The following ZFHX3 variants were observed in gnomAD, a reference collection of about 807,000 sequenced individuals.
ZFHX3 encodes zinc finger homeobox 3.
ZFHX3 carries 42 observed loss-of-function variants against 279.1 expected under a neutral mutation model. The ratio of observed to expected loss-of-function variants is 0.15; its 90% CI spans 0.12 to 0.19. The LOEUF is 0.19. ZFHX3 is among the 10% of genes least tolerant of loss of function. The pLI, the probability that ZFHX3 is intolerant of heterozygous loss-of-function variation, is 1.00. For synonymous variants in ZFHX3, 2,293 were observed against 1,957.8 expected, an observed-to-expected ratio of 1.17 and a Z score of -4.52; for missense variants, 4,981 against 4,754.0, an observed-to-expected ratio of 1.05 and a Z score of -1.40.
chr16:72,812,162 G>C lies in ZFHX3; in HGVS notation c.3530-124C>G. ...ATTTTCTTAAAACACCAAAATTCAA[G>C]AAGGATGAACATCCGGACTGATTTA... On this transcript the variant is annotated intron_variant, in intron 5 of 9. Coordinates refer to ENST00000268489, the MANE Select transcript of ZFHX3 (RefSeq NM_006885.4). 3 of 1,343,926 alleles carry C rather than the reference G, an allele frequency of 2.2e-6. No homozygotes were observed. The South Asian group carries it at 4.6e-5, about 21-fold the overall frequency. The allele number at this position is 1,343,926 out of a possible 1,614,324, so 83.3% of individuals were successfully genotyped here.
At chr16:73,657,225 G>A (rs1483045013) in intron 2 of ZFHX3, among the ~76,000 whole-genome samples, 5 of 152,214 alleles carry the variant, frequency 3.3e-5, no homozygotes, top group African/African-American at 1.2e-4. Context: ...GGGAGGCCAA[G>A]GCAGGAAGTT....
intron 5 of ZFHX3, among the ~76,000 whole-genome samples, chr16:73,157,861 T>A (rs2144853279): frequency 6.6e-6 from 1 of 152,220 alleles, no homozygotes; most frequent in Middle Eastern, 3.4e-3. Flanking sequence ...GAAGAGCCTC[T>A]GAGAGAGAGA....
At chr16:73,306,444 C>A (rs899697484) in intron 4 of ZFHX3, among the ~76,000 whole-genome samples, 2 of 152,166 alleles carry the variant, frequency 1.3e-5, no homozygotes, top group African/African-American at 4.8e-5. Flanking sequence ...CTCAGCCTCC[C>A]ATGTACCTGG....
chr16:73,368,784 C>A (rs2016573356), intron 3 of ZFHX3, among the ~76,000 whole-genome samples: 1 of 152,172 alleles, frequency 6.6e-6, no homozygotes, highest in South Asian at 2.1e-4. Flanking sequence ...ATGTGCTAGG[C>A]ACTTTGTCCA....
intron 5 of ZFHX3, among the ~76,000 whole-genome samples, chr16:73,149,915 T>A (rs1966899565): frequency 6.6e-6 from 1 of 152,182 alleles, no homozygotes; most frequent in African/African-American, 2.4e-5. Context: ...AGGCCCAAGT[T>A]CTCAGATGCT....
rs117317809 is a variant in ZFHX3, at chr16:73,519,972, A to G, written c.-1546-63714T>C. Reference sequence around the variant, plus strand: ...ACTTATGCCTGTTTTTTTAGAAATTAAAATTATGGTATTTTAATATGAGGC... The same window carrying G: ...ACTTATGCCTGTTTTTTTAGAAATTGAAATTATGGTATTTTAATATGAGGC... On this transcript the variant is annotated intron_variant, in intron 2 of 17. Transcript: ENST00000641206. 2.0e-5 allele frequency among the ~76,000 whole-genome samples: 3 copies of G among 152,320 alleles called. No individual in the cohort carries two copies. The East Asian group carries it at 5.8e-4, about 29-fold the overall frequency.
chr16:73,229,261 T>A (rs2012697811), intron 5 of ZFHX3, among the ~76,000 whole-genome samples: 1 of 152,208 alleles, frequency 6.6e-6, no homozygotes, highest in Non-Finnish European at 1.5e-5. Flanking sequence ...TCCATTAGAA[T>A]CTTTCCCCAA....
chr16:73,602,856 A>G (rs1245747210), intron 2 of ZFHX3, among the ~76,000 whole-genome samples: 1 of 99,188 alleles, frequency 1.0e-5, no homozygotes, highest in Non-Finnish European at 1.9e-5. Flanking sequence ...CTGAAGCAGG[A>G]GAATTGCTTG....
intron 4 of ZFHX3, among the ~76,000 whole-genome samples, chr16:73,277,328 C>G (rs934439005): frequency 6.6e-6 from 1 of 152,182 alleles, no homozygotes; most frequent in South Asian, 2.1e-4. Flanking sequence ...ACCAACCTTG[C>G]CTCAGATGAC....
intron 3 of ZFHX3, among the ~76,000 whole-genome samples, chr16:72,938,505 C>G (rs541489001): frequency 6.6e-6 from 1 of 152,172 alleles, no homozygotes; most frequent in Non-Finnish European, 1.5e-5. Flanking sequence ...AATGTGTTTG[C>G]GGGAGGCAGC....
At chr16:73,026,454 C>T (rs1043269711) in intron 1 of ZFHX3, among the ~76,000 whole-genome samples, 1 of 151,792 alleles carries the variant, frequency 6.6e-6, no homozygotes, top group Non-Finnish European at 1.5e-5. Context: ...GGTGGATCAC[C>T]TGAGGTTAGG....
chr16:73,531,962 C>A (rs2019812058), intron 2 of ZFHX3, among the ~76,000 whole-genome samples: 1 of 151,648 alleles, frequency 6.6e-6, no homozygotes, highest in South Asian at 2.1e-4. Flanking sequence ...GTGGCATGCA[C>A]CTGTAATCCC....
chr16:73,378,030 C>CAAAAAAAAAAAAAAAAAAAAAAAAAAA (rs71156159), intron 3 of ZFHX3, among the ~76,000 whole-genome samples: 1 of 53,816 alleles, frequency 1.9e-5, no homozygotes, highest in African/African-American at 7.6e-5. Context: ...GACTCTGTCT[C>CAAAAAAAAAAAAAAAAAAAAAAAAAAA]AAAAAAAAAA....
At chr16:73,449,311 C>T (rs1486879229) in intron 3 of ZFHX3, among the ~76,000 whole-genome samples, 2 of 152,160 alleles carry the variant, frequency 1.3e-5, no homozygotes, top group Non-Finnish European at 2.9e-5. Flanking sequence ...AGGTAATAGA[C>T]ATTCTTAGGC....
chr16:73,822,992 T>C (rs1434549345), intron 1 of ZFHX3, among the ~76,000 whole-genome samples: 2 of 152,350 alleles, frequency 1.3e-5, no homozygotes, highest in Non-Finnish European at 2.9e-5. Flanking sequence ...CGTCATGCAC[T>C]GGGCTATATG....
rs544480836 is a variant in ZFHX3, at chr16:72,851,105, C to T, written c.3449-21246G>A. On this transcript the variant is annotated intron_variant, in intron 4 of 9. Coordinates refer to ENST00000268489, the MANE Select transcript of ZFHX3 (RefSeq NM_006885.4). ...ATAAATAGAAAGTGCCATTTTTTTCCACATGGAACGTCATCACTTCCATGT... is the reference window on the plus strand; with the variant it reads ...ATAAATAGAAAGTGCCATTTTTTTCTACATGGAACGTCATCACTTCCATGT... Among the ~76,000 whole-genome samples, 5 of 152,032 alleles carry T rather than the reference C, an allele frequency of 3.3e-5. No individual in the cohort carries two copies. In the East Asian group the frequency reaches 7.8e-4, roughly 24 times the overall value.
chr16:73,377,849 C>A (rs1489184167), intron 3 of ZFHX3, among the ~76,000 whole-genome samples: 1 of 151,170 alleles, frequency 6.6e-6, no homozygotes, highest in African/African-American at 2.4e-5. Flanking sequence ...CTGGCTAACA[C>A]GGTGAAACTC....
At chr16:72,858,939 G>C (rs906505314) in intron 4 of ZFHX3, among the ~76,000 whole-genome samples, 2 of 152,168 alleles carry the variant, frequency 1.3e-5, no homozygotes, top group African/African-American at 4.8e-5. Flanking sequence ...GCTGTGCCCA[G>C]CTCAACTTCG....
chr16:73,195,765 A>AAG (rs1968132786), intron 5 of ZFHX3, among the ~76,000 whole-genome samples: 1 of 152,188 alleles, frequency 6.6e-6, no homozygotes. Context: ...AGCAAAAAAA[A>AAG]TAGGACAGGT....
Sources: gnomAD v4.1 joint callset for allele counts (sites outside exome capture counted in the v4.1 genomes callset) on GRCh38, gnomAD v4.1.1 for gene constraint, MANE v1.5 for transcripts, NCBI Gene and HGNC (gene_info 2026-07-23, HGNC 2026-07-21) for gene names.